MAP3K19: variants seen among roughly 807,000 people sequenced by gnomAD.
MAP3K19 encodes the protein SPS1/STE20-related protein kinase YSK4.
A neutral mutation model predicts 114.4 loss-of-function variants in MAP3K19; 91 were observed. That is an observed-to-expected ratio of 0.80 (90% CI 0.67 to 0.95). MAP3K19 has a LOEUF of 0.95. MAP3K19 is among the 40% of genes least tolerant of loss of function. MAP3K19 has a pLI of 0.00. For synonymous variants in MAP3K19, 518 were observed against 530.5 expected (o/e 0.98, Z 0.32); for missense variants, 1,471 against 1,573.2 (o/e 0.94, Z 1.10).
chr2:135,003,036 A>G (rs959948141), intron 6 of MAP3K19, among the ~76,000 whole-genome samples: 1 of 152,188 alleles, frequency 6.6e-6, no homozygotes, highest in Non-Finnish European at 1.5e-5. Context: ...GCCCCGATCC[A>G]GCTGGATTTG....
intron 5 of MAP3K19, among the ~76,000 whole-genome samples, chr2:135,007,536 T>C (rs1442303676): frequency 2.0e-5 from 3 of 152,200 alleles, no homozygotes; most frequent in Admixed American, 6.5e-5. Context: ...TCCTTTTTTT[T>C]TCTTTTTGTT....
chr2:134,995,547 T>G (rs1685924588), intron 8 of MAP3K19, among the ~76,000 whole-genome samples: 1 of 152,158 alleles, frequency 6.6e-6, no homozygotes, highest in African/African-American at 2.4e-5. Context: ...GCCTGATATC[T>G]AATCACCTGT....
chr2:135,012,427 G>A (rs553451789), intron 5 of MAP3K19, among the ~76,000 whole-genome samples: 23 of 152,028 alleles, frequency 1.5e-4, no homozygotes, highest in Non-Finnish European at 2.5e-4. Flanking sequence ...TTATAAATGC[G>A]CAAAGCTAAA....
intron 2 of MAP3K19, among the ~76,000 whole-genome samples, chr2:135,036,637 A>ATGTGTGTGTG (rs57859657): frequency 5.0e-5 from 7 of 140,178 alleles, no homozygotes; most frequent in African/African-American, 1.8e-4. Context: ...GTTCAACATT[A>ATGTGTGTGTG]TGTGTGTGTG....
chr2:134,983,204 G>A (rs1473100390), intron 11 of MAP3K19: 1 of 533,110 alleles, frequency 1.9e-6, no homozygotes, highest in Non-Finnish European at 3.8e-6. Context: ...CACCCCCCAA[G>A]ATCTCTTATG....
intron 2 of MAP3K19, 77 bp from the exon 3 acceptor site, chr2:135,030,577 A>G (rs1688356674): frequency 6.6e-6 from 1 of 152,522 alleles, no homozygotes; most frequent in South Asian, 2.1e-4. Flanking sequence ...AAACTGACTT[A>G]GGCATGGCTC....
intron 5 of MAP3K19, among the ~76,000 whole-genome samples, chr2:135,006,745 GGCTATGGTGA>G (rs1474716129): frequency 6.6e-6 from 1 of 151,996 alleles, no homozygotes; most frequent in African/African-American, 2.4e-5. Context: ...GGGAGGTCAA[GGCTATGGTGA>G]GCTAGGGTCA....
At chr2:135,001,420 T>C (rs1686437485) in intron 6 of MAP3K19, among the ~76,000 whole-genome samples, 1 of 152,198 alleles carries the variant, frequency 6.6e-6, no homozygotes, top group Admixed American at 6.5e-5. Context: ...AATGAGAGAC[T>C]TGGAATTATT....
chr2:135,033,466 C>CT (rs1688441987), intron 2 of MAP3K19, among the ~76,000 whole-genome samples: 2 of 120,766 alleles, frequency 1.7e-5, no homozygotes, highest in South Asian at 3.1e-4. Context: ...CGCCCCCCAC[C>CT]CCCCGGACGG....
At chr2:135,022,186 CT>C (rs1688026427) in intron 4 of MAP3K19, among the ~76,000 whole-genome samples, 1 of 152,192 alleles carries the variant, frequency 6.6e-6, no homozygotes, top group Non-Finnish European at 1.5e-5. Context: ...AAATTTTAAG[CT>C]GTATGAGAAA....
chr2:134,976,883 A>T (rs183009440), intron 12 of MAP3K19, among the ~76,000 whole-genome samples: 11 of 151,756 alleles, frequency 7.2e-5, no homozygotes, highest in African/African-American at 2.7e-4. Context: ...CGTCTCTACT[A>T]AAAAAACAAA....
rs557953901 is a variant in MAP3K19, at chr2:135,018,764, G to A, written c.138+2951C>T. On this transcript the variant is annotated intron_variant, in intron 5 of 12. Coordinates refer to ENST00000392915, the MANE Select transcript of MAP3K19 (RefSeq NM_025052.5). ...AACAACAGGCAAAAATACGTACCTC[G>A]ACCTAAACCTTGTACTTTGTAAAAA... is the stretch of plus-strand genomic sequence containing the variant. Among the ~76,000 whole-genome samples, 5 of 152,040 alleles carry A rather than the reference G, an allele frequency of 3.3e-5. No individual in the cohort carries two copies. The South Asian group carries it at 1.0e-3, about 32-fold the overall frequency.
At position 135,047,287 on chromosome 2, in the gene MAP3K19, C is replaced by T. The variant is rs574528330; in HGVS notation, c.-526G>A. ...TTCATTGTGGCACTGATTTCTGGGA[C>T]AGCTGTAACCCACACTTCAACCAGG... On this transcript the variant is annotated 5_prime_UTR_variant, in exon 1 of 13. Coordinates refer to ENST00000392915, the MANE Select transcript of MAP3K19 (RefSeq NM_025052.5). The T allele has an allele frequency of 6.6e-6, 1 of 152,316 alleles. No individual in the cohort carries two copies. Among genetic ancestry groups the T allele is most frequent in the African/African-American group, 2.4e-5 (1 of 41,574 alleles). 9.4% of individuals were successfully genotyped at this position (152,316 alleles called of 1,614,324 possible). A position where few individuals can be genotyped will look rare whatever the true frequency, so the allele number is the denominator to read the frequency against.
At chr2:134,968,809 G>A (rs1421292893) in intron 12 of MAP3K19, among the ~76,000 whole-genome samples, 5 of 151,192 alleles carry the variant, frequency 3.3e-5, no homozygotes, top group East Asian at 2.0e-4. Context: ...GGGAAGAGGC[G>A]CTCCTCACTT....
chr2:135,020,222 T>A (rs182589534), intron 5 of MAP3K19, among the ~76,000 whole-genome samples: 205 of 152,320 alleles, frequency 1.3e-3, no homozygotes, highest in Admixed American at 2.3e-3. Context: ...TTTCACCGTG[T>A]TGGCCAGGTT....
intron 5 of MAP3K19, among the ~76,000 whole-genome samples, chr2:135,018,281 C>CAAAAAA (rs781510594): frequency 6.5e-3 from 377 of 58,038 alleles, no homozygotes; most frequent in Non-Finnish European, 0.011. Flanking sequence ...GCAACAACAG[C>CAAAAAA]AAAAAAAAAA....
rs186056529 is a variant in MAP3K19 at position 134,971,577 on chromosome 2, T to G, written c.3921-6661A>C. 1.4e-3 allele frequency among the ~76,000 whole-genome samples: 211 copies of G among 152,318 alleles called. 1 individual carries two copies. The highest frequency in any genetic ancestry group is 5.0e-3 in the African/African-American group (208 of 41,586). Reference sequence around the variant, plus strand: ...CTGGGCTTTTCTTTGTTAGGAGATATTTTATTACTGATTCAATCTTATTGC... The same window carrying G: ...CTGGGCTTTTCTTTGTTAGGAGATAGTTTATTACTGATTCAATCTTATTGC... On this transcript the variant is annotated intron_variant, in intron 12 of 12. Coordinates refer to ENST00000392915, the MANE Select transcript of MAP3K19 (RefSeq NM_025052.5).
At chr2:134,993,817 T>C (rs1685784925) in intron 8 of MAP3K19, among the ~76,000 whole-genome samples, 1 of 152,154 alleles carries the variant, frequency 6.6e-6, no homozygotes, top group Admixed American at 6.6e-5. Flanking sequence ...TAGAGACCAC[T>C]CTGAGCAACA....
At chr2:135,025,586 C>T (rs919570239) in intron 3 of MAP3K19, among the ~76,000 whole-genome samples, 3 of 152,068 alleles carry the variant, frequency 2.0e-5, no homozygotes, top group African/African-American at 7.2e-5. Flanking sequence ...CGGGGTTTCA[C>T]CGTGTTAGCC....
Sources: allele counts gnomAD v4.1 joint callset (sites outside exome capture counted in the v4.1 genomes callset), GRCh38; gene constraint gnomAD v4.1.1; transcripts MANE v1.5; gene names NCBI Gene and HGNC (gene_info 2026-07-23, HGNC 2026-07-21).